SCN8A: variants seen among roughly 807,000 people sequenced by gnomAD.
The protein encoded by SCN8A is sodium channel protein type 8 subunit alpha.
A neutral mutation model predicts 184.1 loss-of-function variants in SCN8A; 30 were observed. That is an observed-to-expected ratio of 0.16 (90% confidence interval 0.12 to 0.22). SCN8A has a LOEUF of 0.22. SCN8A is among the 10% of genes least tolerant of loss of function. The probability of loss-of-function intolerance (pLI) is 1.00; values close to 1 mark genes in which losing one functional copy is unlikely to be tolerated. For synonymous variants in SCN8A, 852 were observed against 907.0 expected, an observed-to-expected ratio of 0.94 and a Z score of 1.09; for missense variants, 1,057 against 2,498.9, an observed-to-expected ratio of 0.42 and a Z score of 12.30.
intron 1 of SCN8A, among the ~76,000 whole-genome samples, chr12:51,595,105 G>C (rs1939316041): frequency 6.6e-6 from 1 of 152,126 alleles, no homozygotes; most frequent in African/African-American, 2.4e-5. Context: ...GTCTCACTCT[G>C]CACCTACTAT....
intron 20 of SCN8A, among the ~76,000 whole-genome samples, chr12:51,774,954 T>C (rs1474397247): frequency 2.0e-5 from 3 of 152,236 alleles, no homozygotes; most frequent in Non-Finnish European, 2.9e-5. Flanking sequence ...GAAATCCTTT[T>C]TTCCTCCAGG....
chr12:51,705,355 A>G (rs893786075), intron 9 of SCN8A, 62 bp from the exon 10 acceptor site: 2 of 1,511,216 alleles, frequency 1.3e-6, no homozygotes, highest in African/African-American at 1.4e-5. Flanking sequence ...TTGGCCCATT[A>G]GCTGTTTTCA....
Position 51,810,018 on chromosome 12 carries a change from G to A in SCN8A, c.*2589G>A, listed in dbSNP as rs1357792349. ...ATAATTGTTCTTAGGTCTTGAGATGGGCAACAGAGCTGTAAGATCCCGCCA... is the reference window on the plus strand; with the variant it reads ...ATAATTGTTCTTAGGTCTTGAGATGAGCAACAGAGCTGTAAGATCCCGCCA... On this transcript the variant is annotated 3_prime_UTR_variant, in exon 27 of 27. Coordinates refer to ENST00000627620, the MANE Select transcript of SCN8A (RefSeq NM_001330260.2). 1.3e-5 allele frequency: 2 copies of A among 152,854 alleles called. No individual in the cohort carries two copies. Among genetic ancestry groups the A allele is most frequent in the Non-Finnish European group, 2.9e-5 (2 of 68,346 alleles). 9.5% of individuals were successfully genotyped at this position (152,854 alleles called of 1,614,324 possible). A position where few individuals can be genotyped will look rare whatever the true frequency, so the allele number is the denominator to read the frequency against.
chr12:51,710,442 A>G (rs1203381711), intron 11 of SCN8A, among the ~76,000 whole-genome samples: 1 of 152,260 alleles, frequency 6.6e-6, no homozygotes, highest in Admixed American at 6.5e-5. Flanking sequence ...AGGTGAAAGA[A>G]TCATTTGAGG....
At chr12:51,609,378 C>T (rs1175209157) in intron 1 of SCN8A, among the ~76,000 whole-genome samples, 3 of 152,000 alleles carry the variant, frequency 2.0e-5, no homozygotes, top group South Asian at 4.2e-4. Flanking sequence ...TGTGTAGTGC[C>T]GTTAGTATTG....
Position 51,788,102 on chromosome 12 carries a change from A to T in SCN8A, c.4228-593A>T, listed in dbSNP as rs113674405. Among the ~76,000 whole-genome samples the T allele has an allele frequency of 3.4e-3, 516 of 152,332 alleles. 2 individuals are homozygous for T. The highest frequency in any genetic ancestry group is 5.9e-3 in the Non-Finnish European group (403 of 68,020). ...GGTGAATAGTACATGGATTATCCAT[A>T]TTTGTTTCCAAAATCAGTCTAGATA... On this transcript the variant is annotated intron_variant, in intron 22 of 26. Transcript: ENST00000627620.
At chr12:51,606,811 A>G (rs1016743471) in intron 1 of SCN8A, among the ~76,000 whole-genome samples, 4 of 150,094 alleles carry the variant, frequency 2.7e-5, no homozygotes, top group African/African-American at 4.9e-5. Context: ...CTCCTTGGTT[A>G]GGTATATTCC....
intron 21 of SCN8A, among the ~76,000 whole-genome samples, chr12:51,781,530 A>AT (rs903601235): frequency 6.6e-6 from 1 of 152,100 alleles, no homozygotes; most frequent in Non-Finnish European, 1.5e-5. Flanking sequence ...TGCTTTGGTG[A>AT]TACTCCACCC....
At chr12:51,794,968 A>G (rs1938369575) in intron 26 of SCN8A, among the ~76,000 whole-genome samples, 1 of 152,210 alleles carries the variant, frequency 6.6e-6, no homozygotes, top group Non-Finnish European at 1.5e-5. Flanking sequence ...TAAAAAATGT[A>G]GCACAATAGA....
At chr12:51,801,474 C>A (rs1293394761) in intron 26 of SCN8A, among the ~76,000 whole-genome samples, 1 of 152,200 alleles carries the variant, frequency 6.6e-6, no homozygotes, top group Admixed American at 6.5e-5. Flanking sequence ...ATTCCAATCT[C>A]CCTAAGCCTT....
chr12:51,806,533 G>A lies in SCN8A; in HGVS notation c.5047G>A (p.Asp1683Asn), dbSNP rs1023188648. The change falls in exon 27 of 27, where the codon GAT becomes AAT. Residue 1683 changes from aspartate to asparagine, a missense_variant. Physicochemically the swap from Asp to Asn is conservative, Grantham distance 23. Coordinates refer to ENST00000627620, the MANE Select transcript of SCN8A (RefSeq NM_001330260.2). The surrounding 1 kb of genome is among the most constrained non-coding windows in gnomAD (Gnocchi z 8.7). Reference protein sequence around the residue: ...FAYVKHEAGIDDMFNFETFGN... With the variant: ...FAYVKHEAGINDMFNFETFGN... ...ATATGTGAAGCACGAGGCTGGTATC[G>A]ATGACATGTTCAACTTTGAGACATT... The A allele has an allele frequency of 1.9e-6, 3 of 1,614,162 alleles. No individual in the cohort carries two copies. The highest frequency in any genetic ancestry group is 1.3e-5 in the African/African-American group (1 of 75,030).
chr12:51,645,099 G>A (rs1470302107), intron 1 of SCN8A, among the ~76,000 whole-genome samples: 6 of 148,274 alleles, frequency 4.0e-5, no homozygotes, highest in African/African-American at 1.2e-4. Flanking sequence ...CCCCCGCCCG[G>A]CCAGCCGCCC....
Position 51,775,627 on chromosome 12 carries a change from A to G in SCN8A, c.3819+1265A>G, listed in dbSNP as rs138269253. Among the ~76,000 whole-genome samples, 471 of 152,360 alleles carry G rather than the reference A, an allele frequency of 3.1e-3. 2 individuals are homozygous for G. Among genetic ancestry groups the G allele is most frequent in the African/African-American group, 0.011 (444 of 41,592 alleles). On this transcript the variant is annotated intron_variant, in intron 20 of 26. Coordinates refer to ENST00000627620, the MANE Select transcript of SCN8A (RefSeq NM_001330260.2). ...TGGTGGAAGGACCTGTACCCCCCACAGACAGAAAGCTGGAGCTCTAAGACT... is the reference window on the plus strand; with the variant it reads ...TGGTGGAAGGACCTGTACCCCCCACGGACAGAAAGCTGGAGCTCTAAGACT...
At chr12:51,748,402 A>G (rs946324118) in intron 13 of SCN8A, among the ~76,000 whole-genome samples, 1 of 152,122 alleles carries the variant, frequency 6.6e-6, no homozygotes, top group African/African-American at 2.4e-5. Context: ...TCCTATTGCA[A>G]ACATGCTTAC....
intron 14 of SCN8A, among the ~76,000 whole-genome samples, chr12:51,755,884 TC>T (rs1202081623): frequency 1.3e-5 from 2 of 152,160 alleles, no homozygotes; most frequent in African/African-American, 2.4e-5. Flanking sequence ...ACTTATTTGA[TC>T]AAAAAGCCAC....
intron 13 of SCN8A, among the ~76,000 whole-genome samples, chr12:51,749,531 T>G (rs932441293): frequency 1.8e-4 from 27 of 152,284 alleles, no homozygotes; most frequent in African/African-American, 6.3e-4. Context: ...TTTTCTTTTT[T>G]GGGGGAGAAA....
intron 20 of SCN8A, among the ~76,000 whole-genome samples, chr12:51,775,537 A>G (rs1001786291): frequency 5.3e-5 from 8 of 152,294 alleles, no homozygotes; most frequent in African/African-American, 1.9e-4. Context: ...CCTAGAGGGT[A>G]CCAACGTGAG....
Position 51,644,973 on chromosome 12 carries a change from G to A in SCN8A, c.-54-17791G>A, listed in dbSNP as rs567895248. 5.9e-5 allele frequency among the ~76,000 whole-genome samples: 9 copies of A among 151,378 alleles called. No homozygotes were observed. The South Asian group carries it at 8.4e-4, about 14-fold the overall frequency. On this transcript the variant is annotated intron_variant, in intron 1 of 26. Transcript: ENST00000627620. ...AGCCCCTCCGCCCAGCAGCCACCCC[G>A]TCTGGGAAGTGAGGAGCATCTCCGC...
intron 11 of SCN8A, among the ~76,000 whole-genome samples, chr12:51,708,260 A>T (rs1283176791): frequency 6.6e-6 from 1 of 152,234 alleles, no homozygotes; most frequent in Non-Finnish European, 1.5e-5. Flanking sequence ...TATTCTGGAT[A>T]TGTAGTATCA....
Sources: gnomAD v4.1 joint callset for allele counts (sites outside exome capture counted in the v4.1 genomes callset) on GRCh38, gnomAD v4.1.1 for gene constraint, Gnocchi (gnomAD v3.1) non-coding constraint, MANE v1.5 for transcripts, NCBI Gene and HGNC (gene_info 2026-07-23, HGNC 2026-07-21) for gene names.